CTNNA3: variants seen among roughly 807,000 people sequenced by gnomAD.
CTNNA3 encodes catenin alpha 3, also known as catenin alpha-3.
In CTNNA3, 76 loss-of-function variants were observed where a neutral mutation model predicts 95.7. That is an observed-to-expected ratio of 0.79 (90% confidence interval 0.66 to 0.96). The LOEUF (loss-of-function observed/expected upper bound fraction) is 0.96. Ranked by LOEUF, CTNNA3 falls within the 40% of genes least tolerant of loss-of-function variation. The pLI is 0.00. For missense variants in CTNNA3, 1,191 were observed against 1,089.8 expected, an observed-to-expected ratio of 1.09 and a Z score of -1.31; for synonymous variants, 431 against 374.4, an observed-to-expected ratio of 1.15 and a Z score of -1.74.
chr10:66,169,653 T>A, intron 13 of CTNNA3, among the ~76,000 whole-genome samples: 1 of 152,328 alleles, frequency 6.6e-6, no homozygotes, highest in East Asian at 1.9e-4. Flanking sequence ...TGTAGAAGTG[T>A]TCCCTTTTCA....
intron 15 of CTNNA3, among the ~76,000 whole-genome samples, chr10:65,998,838 G>T (rs1469995501): frequency 6.6e-6 from 1 of 152,086 alleles, no homozygotes; most frequent in Non-Finnish European, 1.5e-5. Context: ...AAAGACAGAG[G>T]GGATTCATGC....
At chr10:66,216,127 G>T (rs1412234194) in intron 13 of CTNNA3, among the ~76,000 whole-genome samples, 1 of 152,204 alleles carries the variant, frequency 6.6e-6, no homozygotes, top group Non-Finnish European at 1.5e-5. Context: ...TCTGTTGTTA[G>T]GGTAAATCCT....
chr10:67,625,409 T>C (rs1275521284), intron 2 of CTNNA3, among the ~76,000 whole-genome samples: 5 of 152,176 alleles, frequency 3.3e-5, no homozygotes, highest in East Asian at 3.9e-4. Context: ...TGAAAGTGAA[T>C]TTTGAGGGGA....
chr10:66,884,831 G>A (rs951573428), intron 7 of CTNNA3, among the ~76,000 whole-genome samples: 4 of 152,036 alleles, frequency 2.6e-5, no homozygotes, highest in Non-Finnish European at 5.9e-5. Flanking sequence ...TTAGAGTTTG[G>A]GCAATCCTGA....
At chr10:67,570,583 C>T (rs1841945286) in intron 3 of CTNNA3, among the ~76,000 whole-genome samples, 1 of 152,166 alleles carries the variant, frequency 6.6e-6, no homozygotes, top group South Asian at 2.1e-4. Flanking sequence ...AACATTACTG[C>T]TGTAACCTTT....
chr10:66,430,801 T>A (rs141958398), intron 11 of CTNNA3, among the ~76,000 whole-genome samples: 1,599 of 152,300 alleles, frequency 0.01, 28 homozygotes, highest in African/African-American at 0.037. Context: ...ATAAAAACCC[T>A]GGAAGAAAAC....
intron 1 of CTNNA3, chr10:67,751,065 C>T: frequency 6.7e-7 from 1 of 1,484,042 alleles, no homozygotes; most frequent in East Asian, 2.3e-5. Context: ...GACTGTGATC[C>T]CCAAGTCTGT....
rs548885029 is a variant in CTNNA3 at position 67,750,338 on chromosome 10, G to A, written c.-2+13096C>T. 1.8e-5 allele frequency: 27 copies of A among 1,522,478 alleles called. No homozygotes were observed. In the African/African-American group the frequency reaches 2.2e-4, roughly 12 times the overall value. 94.3% of individuals were successfully genotyped at this position (1,522,478 alleles called of 1,614,324 possible). On this transcript the variant is annotated intron_variant, in intron 1 of 17. Transcript: ENST00000684154. ...AGCCAAGATGCCCATTGTGGGCCTG[G>A]GCACTTGGAAGTCTCCTCTCGGCAA...
intron 3 of CTNNA3, among the ~76,000 whole-genome samples, chr10:67,562,460 A>C (rs1444920747): frequency 2.0e-5 from 3 of 152,222 alleles, no homozygotes; most frequent in African/African-American, 7.2e-5. Context: ...AAAAACTCTC[A>C]ATAAATTAAG....
At chr10:66,711,258 C>CAAAAAAAAAAAAAAAAAAAAAA (rs56013857) in intron 9 of CTNNA3, among the ~76,000 whole-genome samples, 2 of 118,160 alleles carry the variant, frequency 1.7e-5, no homozygotes, top group Admixed American at 9.0e-5. Flanking sequence ...GAACAAGAAA[C>CAAAAAAAAAAAAAAAAAAAAAA]AAAAAAAAAA....
At chr10:67,486,329 T>C (rs1848448076) in intron 5 of CTNNA3, among the ~76,000 whole-genome samples, 1 of 151,858 alleles carries the variant, frequency 6.6e-6, no homozygotes, top group Non-Finnish European at 1.5e-5. Flanking sequence ...CATCTTCTTT[T>C]ACTATATGGG....
intron 16 of CTNNA3, among the ~76,000 whole-genome samples, chr10:65,972,512 TA>T (rs946096743): frequency 3.3e-4 from 50 of 152,216 alleles, no homozygotes; most frequent in African/African-American, 1.2e-3. Context: ...AATCATTGTA[TA>T]AAAATCAATA....
intron 7 of CTNNA3, among the ~76,000 whole-genome samples, chr10:66,925,624 G>C (rs763691908): frequency 3.3e-5 from 5 of 152,158 alleles, no homozygotes; most frequent in Non-Finnish European, 7.3e-5. Flanking sequence ...GTGACTCCAA[G>C]AGGTCAAATG....
At chr10:66,319,882 T>C (rs2092157788) in intron 12 of CTNNA3, among the ~76,000 whole-genome samples, 1 of 152,092 alleles carries the variant, frequency 6.6e-6, no homozygotes, top group Non-Finnish European at 1.5e-5. Context: ...AATCACCAAG[T>C]TCCTGTTCTC....
At chr10:67,114,061 T>C (rs1172971602) in intron 7 of CTNNA3, among the ~76,000 whole-genome samples, 5 of 145,698 alleles carry the variant, frequency 3.4e-5, no homozygotes, top group African/African-American at 1.3e-4. Context: ...TCAGTCTGGG[T>C]GACAGGGGGA....
chr10:66,534,504 A>G (rs1215010369), intron 10 of CTNNA3, among the ~76,000 whole-genome samples: 1 of 143,970 alleles, frequency 6.9e-6, no homozygotes, highest in East Asian at 2.2e-4. Flanking sequence ...ATATATATGT[A>G]TATATATGAT....
At chr10:66,652,683 C>CA (rs945542561) in intron 9 of CTNNA3, among the ~76,000 whole-genome samples, 1 of 151,964 alleles carries the variant, frequency 6.6e-6, no homozygotes, top group Non-Finnish European at 1.5e-5. Flanking sequence ...AAGGACACTA[C>CA]AAAAAAATAA....
At chr10:66,639,032 G>A (rs1169275579) in intron 9 of CTNNA3, among the ~76,000 whole-genome samples, 2 of 151,780 alleles carry the variant, frequency 1.3e-5, no homozygotes, top group African/African-American at 2.4e-5. Flanking sequence ...TTCATTTCCT[G>A]TTGCTTTGGA....
intron 5 of CTNNA3, among the ~76,000 whole-genome samples, chr10:67,245,080 T>C (rs1217307011): frequency 6.6e-6 from 1 of 152,080 alleles, no homozygotes; most frequent in Non-Finnish European, 1.5e-5. Context: ...ATCCTATGTA[T>C]CTCTGTGACC....
Sources: gnomAD v4.1 joint callset for allele counts (sites outside exome capture counted in the v4.1 genomes callset) on GRCh38, gnomAD v4.1.1 for gene constraint, MANE v1.5 for transcripts, NCBI Gene and HGNC (gene_info 2026-07-23, HGNC 2026-07-21) for gene names.